Variants in RANBP2 observed in about 807,000 individuals in gnomAD.
The protein encoded by RANBP2 is E3 SUMO-protein ligase RanBP2.
In RANBP2, 57 loss-of-function variants were observed where a neutral mutation model predicts 303.6. The ratio of observed to expected loss-of-function variants is 0.19; its 90% confidence interval spans 0.15 to 0.23. RANBP2 has a LOEUF of 0.23. RANBP2 is among the 10% of genes least tolerant of loss of function. The pLI is 1.00. For synonymous variants in RANBP2, 1,167 were observed against 1,301.5 expected (o/e 0.90, Z 2.23); for missense variants, 3,138 against 3,780.8 (o/e 0.83, Z 4.46).
chr2:108,976,995 T>C, the RANBP2 span, among the ~76,000 whole-genome samples: 1 of 152,112 alleles, frequency 6.6e-6, no homozygotes, highest in East Asian at 1.9e-4. Context: ...AATGCTAAGA[T>C]GAAAAGGTGT....
At chr2:108,839,339 C>T in the RANBP2 span, 2 of 1,503,952 alleles carry the variant, frequency 1.3e-6, no homozygotes, top group East Asian at 4.6e-5. Flanking sequence ...AAGTAATACT[C>T]CACCTAATAT....
At chr2:108,719,812 C>T (rs1483711207) in intron 1 of RANBP2, 134 bp downstream of exon 1, 9 of 1,455,804 alleles carry the variant, frequency 6.2e-6, no homozygotes, top group Middle Eastern at 2.5e-4. Context: ...TGGCGCAGTC[C>T]TGTGGGCGGC....
chr2:109,601,883 T>G, the RANBP2 span, among the ~76,000 whole-genome samples: 1 of 152,116 alleles, frequency 6.6e-6, no homozygotes, highest in Non-Finnish European at 1.5e-5. Context: ...TTTTTCCCAA[T>G]GTTGTTAGCC....
rs768475010 is a variant in RANBP2, at chr2:108,775,932, C to G, written c.8493C>G (p.Ser2831Arg). The G allele has an allele frequency of 6.2e-7, 1 of 1,607,164 alleles. No individual in the cohort carries two copies. Among genetic ancestry groups the G allele is most frequent in the South Asian group, 1.1e-5 (1 of 90,976 alleles). ...TRKEIDTDST[S>R]QGESKIVSFG... ...AGGAAATTGATACAGATTCTACAAG[C>G]CAAGGTAAATCTTGATATATGTTTA... is the stretch of plus-strand genomic sequence containing the variant. The change falls in exon 24 of 29, where the codon AGC becomes AGG. Residue 2831 changes from serine (S) to arginine (R), a missense_variant. Ser to Arg is a moderately radical substitution (Grantham distance 110). Coordinates refer to ENST00000283195, the MANE Select transcript of RANBP2 (RefSeq NM_006267.5).
chr2:109,321,224 C>A, the RANBP2 span, among the ~76,000 whole-genome samples: 9 of 152,322 alleles, frequency 5.9e-5, no homozygotes, highest in East Asian at 1.7e-3. Context: ...GAACTCAAAC[C>A]TTATATCCTC....
At chr2:108,941,449 ACTGAGCTTCCAAACAGCTTCCC>A in the RANBP2 span, among the ~76,000 whole-genome samples, 1 of 152,146 alleles carries the variant, frequency 6.6e-6, no homozygotes, top group Non-Finnish European at 1.5e-5. Context: ...AGGCGGAGGC[ACTGAGCTTCCAAACAGCTTCCC>A]CTGAGCTGTT....
the RANBP2 span, among the ~76,000 whole-genome samples, chr2:109,172,031 C>A: frequency 1.3e-5 from 2 of 152,228 alleles, no homozygotes; most frequent in Non-Finnish European, 2.9e-5. Context: ...GCACTGTGGG[C>A]TCCATGAGGG....
the RANBP2 span, among the ~76,000 whole-genome samples, chr2:109,020,682 C>T: frequency 6.6e-6 from 1 of 152,184 alleles, no homozygotes; most frequent in African/African-American, 2.4e-5. Context: ...GGGAGCCTGC[C>T]TGAGTGCAGG....
the RANBP2 span, among the ~76,000 whole-genome samples, chr2:108,979,644 C>T: frequency 3.3e-5 from 5 of 152,100 alleles, no homozygotes; most frequent in Non-Finnish European, 5.9e-5. Context: ...GCCCCTCCTG[C>T]CTCCCTACCC....
At chr2:109,411,207 T>C in the RANBP2 span, among the ~76,000 whole-genome samples, 13 of 152,148 alleles carry the variant, frequency 8.5e-5, no homozygotes, top group Admixed American at 1.3e-4. Context: ...CGCCATTGGT[T>C]GGGGGCTGAA....
At chr2:109,351,010 G>A in the RANBP2 span, among the ~76,000 whole-genome samples, 17 of 152,366 alleles carry the variant, frequency 1.1e-4, no homozygotes, top group African/African-American at 3.8e-4. Flanking sequence ...TCCTGTTAAA[G>A]TGGCATTAAT....
At chr2:109,575,666 A>G in the RANBP2 span, among the ~76,000 whole-genome samples, 11 of 152,196 alleles carry the variant, frequency 7.2e-5, no homozygotes, top group African/African-American at 2.7e-4. Flanking sequence ...ACTCTTAACT[A>G]TTCTCATTAA....
the RANBP2 span, among the ~76,000 whole-genome samples, chr2:108,807,398 A>G: frequency 1.5e-4 from 23 of 152,208 alleles, no homozygotes; most frequent in African/African-American, 4.1e-4. Flanking sequence ...AATTGACATA[A>G]TTATGCATAA....
chr2:109,143,413 A>G, the RANBP2 span, among the ~76,000 whole-genome samples: 8 of 152,144 alleles, frequency 5.3e-5, no homozygotes, highest in African/African-American at 1.9e-4. Context: ...AATATCTGAA[A>G]GCAACCCAGA....
chr2:108,751,697 A>G lies in RANBP2; in HGVS notation c.1625A>G (p.Lys542Arg). Reference protein sequence around the residue: ...WDAVCTLIHRKAVPGNVAKLR... With the variant: ...WDAVCTLIHRRAVPGNVAKLR... ...GCGGTTTGTACTCTGATTCACAGAA[A>G]AGCAGTGTAAGTAGTAAAACAAAAA... is the stretch of plus-strand genomic sequence containing the variant. Residue 542 changes from lysine (K) to arginine (R), a missense_variant, in exon 11 of 29, where the codon AAA (lysine) becomes AGA (arginine). Lys to Arg is a conservative substitution (Grantham distance 26, BLOSUM62 2). This residue lies in a region of RANBP2 where 162 missense variants were observed against 286.9 expected (regional missense o/e 0.56). Coordinates refer to ENST00000283195, the MANE Select transcript of RANBP2 (RefSeq NM_006267.5). The G allele has an allele frequency of 6.2e-7, 1 of 1,609,602 alleles. No individual in the cohort carries two copies.
chr2:109,546,041 G>A, the RANBP2 span: 4 of 1,560,084 alleles, frequency 2.6e-6, no homozygotes, highest in Non-Finnish European at 3.5e-6. Context: ...GGGTGGCTGG[G>A]CCTCTTACTT....
chr2:109,442,584 T>G, the RANBP2 span, among the ~76,000 whole-genome samples: 1 of 152,146 alleles, frequency 6.6e-6, no homozygotes, highest in Non-Finnish European at 1.5e-5. Flanking sequence ...ACACAAAGTT[T>G]GGGAAGGGAG....
chr2:109,436,848 G>T, the RANBP2 span: 1 of 1,590,610 alleles, frequency 6.3e-7, no homozygotes, highest in Non-Finnish European at 8.6e-7. Context: ...TGGCACGAAT[G>T]CCTCTGAGCC....
chr2:109,224,531 A>C, the RANBP2 span, among the ~76,000 whole-genome samples: 1 of 152,164 alleles, frequency 6.6e-6, no homozygotes, highest in Non-Finnish European at 1.5e-5. Context: ...TGAGCTCATG[A>C]ATGTGGCCGG....
Sources: gnomAD v4.1 joint callset for allele counts (sites outside exome capture counted in the v4.1 genomes callset) on GRCh38, gnomAD v4.1.1 for gene constraint, gnomAD v4.1.1 regional missense constraint, MANE v1.5 for transcripts, NCBI Gene and HGNC (gene_info 2026-07-23, HGNC 2026-07-21) for gene names.